GLDC: variants seen among roughly 807,000 people sequenced by gnomAD.
GLDC encodes the protein glycine dehydrogenase (decarboxylating), mitochondrial.
A neutral mutation model predicts 121.3 loss-of-function variants in GLDC; 104 were observed. That is an observed-to-expected ratio of 0.86 (90% CI 0.73 to 1.01). The LOEUF is 1.01. Ranked by LOEUF, GLDC falls within the 50% of genes least tolerant of loss-of-function variation. The probability of loss-of-function intolerance (pLI) is 0.00; values close to 1 mark genes in which losing one functional copy is unlikely to be tolerated. For synonymous variants in GLDC, 546 were observed against 480.6 expected (o/e 1.14, Z -1.78); for missense variants, 1,429 against 1,306.6 (o/e 1.09, Z -1.44).
chr9:6,624,823 A>C (rs1293558258), intron 2 of GLDC, among the ~76,000 whole-genome samples: 1 of 152,080 alleles, frequency 6.6e-6, no homozygotes, highest in Non-Finnish European at 1.5e-5. Context: ...CCCTGTCTCT[A>C]CTAAAAACAC....
At chr9:6,533,306 C>G in intron 24 of GLDC, 146 bp from the exon 25 acceptor site, 1 of 782,770 alleles carries the variant, frequency 1.3e-6, no homozygotes, top group Non-Finnish European at 2.3e-6. Context: ...CCTACATTAC[C>G]ATTTAAAAAA....
At chr9:6,619,638 G>A (rs1176046126) in intron 3 of GLDC, among the ~76,000 whole-genome samples, 1 of 152,168 alleles carries the variant, frequency 6.6e-6, no homozygotes, top group Middle Eastern at 3.2e-3. Context: ...TGAGGCAGAA[G>A]AATTGCTTCA....
intron 2 of GLDC, among the ~76,000 whole-genome samples, chr9:6,640,316 C>A (rs990419799): frequency 1.3e-5 from 2 of 152,208 alleles, no homozygotes; most frequent in Admixed American, 1.3e-4. Flanking sequence ...CAAAGGAAAG[C>A]CTTGTCACAG....
chr9:6,542,131 T>C (rs939036855), intron 21 of GLDC: 1 of 152,158 alleles, frequency 6.6e-6, no homozygotes, highest in Admixed American at 6.5e-5. Flanking sequence ...TCCCAGCTAC[T>C]TGGGAGGCTT....
chr9:6,548,784 T>C (rs1274161186), intron 21 of GLDC, among the ~76,000 whole-genome samples: 1 of 152,202 alleles, frequency 6.6e-6, no homozygotes, highest in Non-Finnish European at 1.5e-5. Flanking sequence ...TTGTACCTGG[T>C]TCTCAGTTCC....
intron 3 of GLDC, among the ~76,000 whole-genome samples, chr9:6,611,565 A>AT (rs1331569972): frequency 6.6e-6 from 1 of 152,112 alleles, no homozygotes; most frequent in African/African-American, 2.4e-5. Flanking sequence ...CAAAAAAAAA[A>AT]AAAAAATTAG....
At chr9:6,547,337 G>A (rs532642751) in intron 21 of GLDC, among the ~76,000 whole-genome samples, 2 of 152,294 alleles carry the variant, frequency 1.3e-5, no homozygotes, top group South Asian at 2.1e-4. Context: ...CAGTTACCCT[G>A]GATGGACAAG....
chr9:6,562,221 T>C (rs1348670676), intron 16 of GLDC, among the ~76,000 whole-genome samples: 1 of 152,222 alleles, frequency 6.6e-6, no homozygotes, highest in Admixed American at 6.5e-5. Context: ...TAAATTTGTA[T>C]TCTCCCAAAG....
At chr9:6,640,141 A>T (rs979284390) in intron 2 of GLDC, among the ~76,000 whole-genome samples, 1 of 152,210 alleles carries the variant, frequency 6.6e-6, no homozygotes, top group African/African-American at 2.4e-5. Flanking sequence ...TCCTCTGCCA[A>T]TATGCAAGTC....
In GLDC at chr9:6,644,939, T is replaced by G. The variant is rs543573172; in HGVS notation, c.256-247A>C. ...CCGGAGCTAACCGGTAAGCCCACTC[T>G]TAATCAGGGGGTCTTCCTCCTCTTG... On this transcript the variant is annotated intron_variant, in intron 1 of 24. Coordinates refer to ENST00000321612, the MANE Select transcript of GLDC (RefSeq NM_000170.3). The G allele has an allele frequency of 5.2e-5, 32 of 613,534 alleles. No individual in the cohort carries two copies. The East Asian group carries it at 8.7e-4, about 17-fold the overall frequency. The allele number at this position is 613,534 out of a possible 1,614,324, so 38.0% of individuals were successfully genotyped here. A position where few individuals can be genotyped will look rare whatever the true frequency, so the allele number is the denominator to read the frequency against.
intron 21 of GLDC, among the ~76,000 whole-genome samples, chr9:6,547,300 G>T (rs1330102723): frequency 6.6e-6 from 1 of 152,184 alleles, no homozygotes; most frequent in Non-Finnish European, 1.5e-5. Context: ...GAAGGAGAAG[G>T]AAGTAGACAG....
At chr9:6,626,825 C>A (rs1443096811) in intron 2 of GLDC, among the ~76,000 whole-genome samples, 1 of 152,324 alleles carries the variant, frequency 6.6e-6, no homozygotes, top group Non-Finnish European at 1.5e-5. Context: ...CACTCAGGCA[C>A]TGGTCATGCC....
chr9:6,606,309 CAAAAAA>C (rs56758871), intron 5 of GLDC, among the ~76,000 whole-genome samples: 1 of 90,056 alleles, frequency 1.1e-5, no homozygotes, highest in Non-Finnish European at 2.3e-5. Context: ...GACTCCGTCT[CAAAAAA>C]AAAAAAAAAA....
At chr9:6,599,313 G>A (rs1334245799) in intron 8 of GLDC, among the ~76,000 whole-genome samples, 1 of 152,158 alleles carries the variant, frequency 6.6e-6, no homozygotes, top group Non-Finnish European at 1.5e-5. Context: ...CGGAAACCTG[G>A]AGGAACCTGA....
rs759852256 is a variant in GLDC at position 6,565,370 on chromosome 9, C to A, written c.1910G>T (p.Gly637Val). 6.2e-7 allele frequency: 1 copy of A among 1,613,414 alleles called. No individual in the cohort carries two copies. The highest frequency in any genetic ancestry group is 1.7e-5 in the Admixed American group (1 of 60,022). ...ATIRAYLNQK[G>V]EGHRTVCLIP... ...CATACTCACCGTTCTGTGCCCCTCTCCTTTCTGGTTTAAGTAGGCTCGGAT... is the reference window on the plus strand; with the variant it reads ...CATACTCACCGTTCTGTGCCCCTCTACTTTCTGGTTTAAGTAGGCTCGGAT... Residue 637 changes from glycine to valine, a missense_variant, in exon 16 of 25, where the codon GGA (glycine) becomes GTA (valine). By Grantham distance (109) the Gly-to-Val change is moderately radical (BLOSUM62 -3). Transcript: ENST00000321612.
At chr9:6,643,199 G>C (rs1345766734) in intron 2 of GLDC, among the ~76,000 whole-genome samples, 1 of 151,742 alleles carries the variant, frequency 6.6e-6, no homozygotes, top group Non-Finnish European at 1.5e-5. Context: ...TGCCCAGCCA[G>C]GATTCTGATT....
chr9:6,532,690 G>A lies in GLDC; in HGVS notation c.*327C>T, dbSNP rs1216066685. ...TTTGGAACAAAAAAATGTCTATTAAGTCTCCAGGATAGCCTCTATGACATC... is the reference window on the plus strand; with the variant it reads ...TTTGGAACAAAAAAATGTCTATTAAATCTCCAGGATAGCCTCTATGACATC... On this transcript the variant is annotated 3_prime_UTR_variant, in exon 25 of 25. Coordinates refer to ENST00000321612, the MANE Select transcript of GLDC (RefSeq NM_000170.3). 2 of 335,444 alleles carry A rather than the reference G, an allele frequency of 6.0e-6. No individual in the cohort carries two copies. The highest frequency in any genetic ancestry group is 7.0e-5 in the East Asian group (1 of 14,380). The allele number at this position is 335,444 out of a possible 1,614,324, so 20.8% of individuals were successfully genotyped here.
intron 2 of GLDC, among the ~76,000 whole-genome samples, chr9:6,630,698 G>A (rs1349622709): frequency 6.6e-6 from 1 of 152,178 alleles, no homozygotes; most frequent in Non-Finnish European, 1.5e-5. Flanking sequence ...AGGGAACCAT[G>A]GGGTGGGGCT....
At chr9:6,623,212 T>C (rs1402709886) in intron 2 of GLDC, 1 of 178,220 alleles carries the variant, frequency 5.6e-6, no homozygotes, top group African/African-American at 2.9e-5. Flanking sequence ...AATCGGATGG[T>C]TGCTGTGTCT....
Sources: allele counts gnomAD v4.1 joint callset (sites outside exome capture counted in the v4.1 genomes callset), GRCh38; gene constraint gnomAD v4.1.1; transcripts MANE v1.5; gene names NCBI Gene and HGNC (gene_info 2026-07-23, HGNC 2026-07-21).